The following EP400 variants were observed in gnomAD, a reference collection of about 807,000 sequenced individuals.
EP400 encodes E1A-binding protein p400.
A neutral mutation model predicts 354.1 loss-of-function variants in EP400; 105 were observed. That is an observed-to-expected ratio of 0.30 (90% CI 0.25 to 0.35). The LOEUF (loss-of-function observed/expected upper bound fraction) is 0.35, where lower values mean the gene tolerates loss of function less well. Ranked by LOEUF, EP400 falls within the 10% of genes least tolerant of loss-of-function variation. The pLI, the probability that EP400 is intolerant of heterozygous loss-of-function variation, is 1.00. For missense variants in EP400, 3,280 were observed against 4,121.0 expected (o/e 0.80, Z 5.59); for synonymous variants, 1,646 against 1,716.9 (o/e 0.96, Z 1.02).
intron 7 of EP400, 112 bp downstream of exon 7, chr12:131,988,002 TTTTTTTC>T: frequency 1.0e-6 from 1 of 970,856 alleles, no homozygotes; most frequent in Non-Finnish European, 1.4e-6. Flanking sequence ...TTTTTTTTTT[TTTTTTTC>T]CCCCAGACAG....
At chr12:131,962,885 T>G (rs1308583165) in intron 2 of EP400, among the ~76,000 whole-genome samples, 1 of 152,260 alleles carries the variant, frequency 6.6e-6, no homozygotes, top group Non-Finnish European at 1.5e-5. Flanking sequence ...AATCTGCTTT[T>G]GCTGAACAAA....
intron 47 of EP400, among the ~76,000 whole-genome samples, chr12:132,063,116 C>T (rs574533813): frequency 3.9e-5 from 6 of 152,266 alleles, no homozygotes; most frequent in South Asian, 2.1e-4. Flanking sequence ...GGTTCACGTG[C>T]GGTACTGTTT....
intron 30 of EP400, 119 bp downstream of exon 30, chr12:132,032,268 G>A (rs1377810096): frequency 8.6e-7 from 1 of 1,164,554 alleles, no homozygotes; most frequent in African/African-American, 1.6e-5. Flanking sequence ...GGAGATATTG[G>A]TGCAAGAAGC....
chr12:132,016,667 C>T (rs893298758), intron 19 of EP400, among the ~76,000 whole-genome samples: 2 of 152,168 alleles, frequency 1.3e-5, no homozygotes, highest in South Asian at 2.1e-4. Flanking sequence ...CCACCGCACC[C>T]GGCCTTGGTT....
chr12:132,031,948 C>A lies in EP400; in HGVS notation c.5755-5C>A, dbSNP rs757233564. The stretch of plus-strand genomic sequence containing the variant: ...TACTAACTCCTGTGTTTTGTTTCAT[C>A]TTAGGAACTGATGAGGAGTTTCAAC... On this transcript the variant is annotated splice_polypyrimidine_tract_variant and splice_region_variant and intron_variant, in intron 29 of 52. Transcript: ENST00000389561. 8 of 1,602,248 alleles carry A rather than the reference C, an allele frequency of 5.0e-6. No homozygotes were observed. Among genetic ancestry groups the A allele is most frequent in the Non-Finnish European group, 6.8e-6 (8 of 1,171,824 alleles).
rs200995221 is a variant in EP400 at position 132,021,169 on chromosome 12, C to T, written c.4538C>T (p.Ala1513Val). The T allele has an allele frequency of 1.2e-6, 2 of 1,601,198 alleles. No homozygotes were observed. Among genetic ancestry groups the T allele is most frequent in the Non-Finnish European group, 1.7e-6 (2 of 1,179,738 alleles). The change falls in exon 23 of 53, where the codon GCC becomes GTC. Residue 1513 changes from alanine (A) to valine (V), a missense_variant. By Grantham distance (64) the Ala-to-Val change is moderately conservative (BLOSUM62 0). Transcript: ENST00000389561. ...GCCTCCAGCACAGCCGCTAGCCCGG[C>T]CCATCCTGCGAAACTGCGGGCCCAG... ...ASASSTAASP[A>V]HPAKLRAQTT...
rs1490013175 is a variant in EP400 at position 131,990,005 on chromosome 12, C to G, written c.2451C>G (p.Leu817=). ...TGCGCCATCACGAGGAGAAGCAGCTCCGTGAAGAAAGGGGGAAGAAGGAAG... is the reference window on the plus strand; with the variant it reads ...TGCGCCATCACGAGGAGAAGCAGCTGCGTGAAGAAAGGGGGAAGAAGGAAG... ...TVVRHHEEKQ[L]REERGKKEEQ... is the part of the protein sequence containing the mutation. The change falls in exon 8 of 53, where the codon CTC becomes CTG. Residue 817 remains leucine (L), a synonymous_variant. Transcript: ENST00000389561. This position sits in a 1 kb window ranked among gnomAD's most constrained non-coding sequence, Gnocchi z 4.2. The G allele has an allele frequency of 1.2e-6, 2 of 1,613,514 alleles. No individual in the cohort carries two copies. Among genetic ancestry groups the G allele is most frequent in the African/African-American group, 2.7e-5 (2 of 74,888 alleles).
intron 23 of EP400, 66 bp downstream of exon 23, chr12:132,021,387 C>T (rs890006721): frequency 3.5e-6 from 5 of 1,438,736 alleles, no homozygotes; most frequent in East Asian, 2.6e-5. Flanking sequence ...GTTAAGAACA[C>T]GGGGATGTAG....
chr12:132,011,023 A>C (rs930063843), intron 15 of EP400, among the ~76,000 whole-genome samples: 1 of 152,242 alleles, frequency 6.6e-6, no homozygotes, highest in African/African-American at 2.4e-5. Flanking sequence ...GCCCTGACTA[A>C]AGCTTGGGAA....
Position 132,038,290 on chromosome 12 carries a change from G to A in EP400, c.6207+194G>A, listed in dbSNP as rs1372102412. Reference sequence around the variant, plus strand: ...TTTTGAACTGTAAATACAAGTGAGGGGAATGGTGGCGAAGGTCGCGGACCA... The same window carrying A: ...TTTTGAACTGTAAATACAAGTGAGGAGAATGGTGGCGAAGGTCGCGGACCA... On this transcript the variant is annotated intron_variant, in intron 32 of 52. Transcript: ENST00000389561. The surrounding 1 kb of genome is among the most constrained non-coding windows in gnomAD (Gnocchi z 4.2). Among the ~76,000 whole-genome samples, 1 of 152,190 alleles carries A rather than the reference G, an allele frequency of 6.6e-6. No individual in the cohort carries two copies. Among genetic ancestry groups the A allele is most frequent in the Admixed American group, 6.5e-5 (1 of 15,280 alleles).
At position 132,011,437 on chromosome 12, in the gene EP400, T is replaced by A. The variant is rs1593344969; in HGVS notation, c.3305-61T>A. On this transcript the variant is annotated intron_variant, in intron 15 of 52. Transcript: ENST00000389561. Reference sequence around the variant, plus strand: ...ATGAAGCGTCTCTGGTCAGACACAGTGCTAGGTGCCTGGACATGACAGATA... The same window carrying A: ...ATGAAGCGTCTCTGGTCAGACACAGAGCTAGGTGCCTGGACATGACAGATA... 20 of 1,598,572 alleles carry A rather than the reference T, an allele frequency of 1.3e-5. No homozygotes were observed. The East Asian group carries it at 4.5e-4, about 36-fold the overall frequency.
At chr12:131,970,015 C>G (rs1481772306) in intron 2 of EP400, among the ~76,000 whole-genome samples, 1 of 152,208 alleles carries the variant, frequency 6.6e-6, no homozygotes, top group African/African-American at 2.4e-5. Context: ...TGCCACTGCA[C>G]TCCCTTGGGT....
chr12:131,960,989 A>G lies in EP400; in HGVS notation c.370A>G (p.Thr124Ala). 1 of 1,606,980 alleles carries G rather than the reference A, an allele frequency of 6.2e-7. No homozygotes were observed. The highest frequency in any genetic ancestry group is 1.1e-5 in the South Asian group (1 of 90,472). ...TGGGTCTCCATCATACATTCAGGTC[A>G]CGTCCCCCTTGTCCCAGCAGGTCCA... is the stretch of plus-strand genomic sequence containing the variant. ...EHGSPSYIQV[T>A]SPLSQQVQTQ... Residue 124 changes from threonine (T) to alanine (A), a missense_variant, in exon 2 of 53, where the codon ACG becomes GCG. By Grantham distance (58) the Thr-to-Ala change is moderately conservative. Transcript: ENST00000389561.
In EP400 at chr12:131,990,760, G is replaced by T; in HGVS notation, c.2629+46G>T. On this transcript the variant is annotated intron_variant, in intron 9 of 52. Coordinates refer to ENST00000389561, the MANE Select transcript of EP400 (RefSeq NM_015409.5). The surrounding 1 kb of genome is among the most constrained non-coding windows in gnomAD (Gnocchi z 4.2). ...GCTCACCACGCTTGGGTGGTATTTTGTTCGGATTCTTTTCTCAGCAGGCAG... is the reference window on the plus strand; with the variant it reads ...GCTCACCACGCTTGGGTGGTATTTTTTTCGGATTCTTTTCTCAGCAGGCAG... The T allele has an allele frequency of 6.9e-7, 1 of 1,438,954 alleles. No homozygotes were observed. Among genetic ancestry groups the T allele is most frequent in the Non-Finnish European group, 9.6e-7 (1 of 1,037,320 alleles). The allele number at this position is 1,438,954 out of a possible 1,614,324, so 89.1% of individuals were successfully genotyped here. A position where few individuals can be genotyped will look rare whatever the true frequency, so the allele number is the denominator to read the frequency against.
At chr12:132,055,664 ATG>A (rs139613611) in intron 45 of EP400, among the ~76,000 whole-genome samples, 744 of 56,608 alleles carry the variant, frequency 0.013, 22 homozygotes, top group African/African-American at 0.047. Context: ...GTGTAGGGGT[ATG>A]TGTGTGAGGT....
At chr12:132,068,103 C>T (rs971966017) in intron 50 of EP400, 1 of 152,396 alleles carries the variant, frequency 6.6e-6, no homozygotes, top group African/African-American at 2.4e-5. Flanking sequence ...TGAGACAGCT[C>T]TGCCTCCAGG....
At chr12:132,010,006 A>AT (rs1427817717) in intron 15 of EP400, among the ~76,000 whole-genome samples, 1 of 147,718 alleles carries the variant, frequency 6.8e-6, no homozygotes, top group Non-Finnish European at 1.5e-5. Flanking sequence ...TTATTTATTT[A>AT]TTTTTTAAAT....
At position 132,075,513 on chromosome 12, in the gene EP400, A is replaced by G. The variant is rs538125166; in HGVS notation, c.9022-1003A>G. Among the ~76,000 whole-genome samples, 75 of 152,268 alleles carry G rather than the reference A, an allele frequency of 4.9e-4. No individual in the cohort carries two copies. The highest frequency in any genetic ancestry group is 1.7e-3 in the African/African-American group (72 of 41,540). The stretch of plus-strand genomic sequence containing the variant: ...TAAGTCCTGGACCATTGTGGTCTTG[A>G]GATGGGCCCTGGAGCACCGGCTGCA... On this transcript the variant is annotated intron_variant, in intron 51 of 52. Coordinates refer to ENST00000389561, the MANE Select transcript of EP400 (RefSeq NM_015409.5). The surrounding 1 kb of genome is among the most constrained non-coding windows in gnomAD (Gnocchi z 4.5).
rs1467801378 is a variant in EP400, at chr12:132,038,365, C to T, written c.6207+269C>T. On this transcript the variant is annotated intron_variant, in intron 32 of 52. Transcript: ENST00000389561. This position sits in a 1 kb window ranked among gnomAD's most constrained non-coding sequence, Gnocchi z 4.2. ...TGCCGTCTTCATCTGCACTTTGCCACAGTCTCAGCTCCTTCCCCTCCCCAT... is the reference window on the plus strand; with the variant it reads ...TGCCGTCTTCATCTGCACTTTGCCATAGTCTCAGCTCCTTCCCCTCCCCAT... 6.6e-6 allele frequency among the ~76,000 whole-genome samples: 1 copy of T among 152,216 alleles called. No individual in the cohort carries two copies. The highest frequency in any genetic ancestry group is 1.5e-5 in the Non-Finnish European group (1 of 68,044).
Sources: allele counts gnomAD v4.1 joint callset (sites outside exome capture counted in the v4.1 genomes callset), GRCh38; gene constraint gnomAD v4.1.1; non-coding constraint Gnocchi (gnomAD v3.1); transcripts MANE v1.5; gene names NCBI Gene and HGNC (gene_info 2026-07-23, HGNC 2026-07-21).